PTGFRN: variants seen among roughly 807,000 people sequenced by gnomAD.
PTGFRN encodes prostaglandin F2 receptor inhibitor, also known as prostaglandin F2 receptor negative regulator.
A neutral mutation model predicts 83.2 loss-of-function variants in PTGFRN; 35 were observed. That is an observed-to-expected ratio of 0.42 (90% CI 0.32 to 0.56). The LOEUF is 0.56. Ranked by LOEUF, PTGFRN falls within the 20% of genes least tolerant of loss-of-function variation. The pLI, the probability that PTGFRN is intolerant of heterozygous loss-of-function variation, is 0.11. For missense variants in PTGFRN, 1,051 were observed against 1,179.5 expected, an observed-to-expected ratio of 0.89 and a Z score of 1.60; for synonymous variants, 519 against 498.6, an observed-to-expected ratio of 1.04 and a Z score of -0.55.
intron 2 of PTGFRN, 141 bp from the exon 3 acceptor site, chr1:116,944,538 A>C: frequency 2.5e-6 from 2 of 811,916 alleles, no homozygotes; most frequent in African/African-American, 1.8e-5. Context: ...TTACAGATGA[A>C]TCCAGTTGGG....
chr1:116,981,500 C>T lies in PTGFRN; in HGVS notation c.2168-3180C>T, dbSNP rs181111815. Among the ~76,000 whole-genome samples the T allele has an allele frequency of 1.4e-3, 210 of 152,312 alleles. 1 individual carries two copies. Among genetic ancestry groups the T allele is most frequent in the Non-Finnish European group, 1.6e-3 (110 of 68,012 alleles). On this transcript the variant is annotated intron_variant, in intron 7 of 8. Transcript: ENST00000393203. ...GAAGGGGCAAGCTCTAAGCAAAGGG[C>T]GGTGGCCTGCAGTGAATCCAGTGAG...
rs187821181 is a variant in PTGFRN at position 116,949,196 on chromosome 1, G to A, written c.837G>A (p.Leu279=). 2 of 1,574,170 alleles carry A rather than the reference G, an allele frequency of 1.3e-6. No individual in the cohort carries two copies. The highest frequency in any genetic ancestry group is 1.7e-6 in the Non-Finnish European group (2 of 1,157,864). ...VATVVIQPSV[L]RAAVPKNVSV... is the part of the protein sequence containing the mutation. Reference sequence around the variant, plus strand: ...TATTTGTTTTTAATTTTCAAGTTCTGCGAGCAGCTGTGCCCAAGAATGTGT... The same window carrying A: ...TATTTGTTTTTAATTTTCAAGTTCTACGAGCAGCTGTGCCCAAGAATGTGT... The change falls in exon 4 of 9, where the codon CTG becomes CTA. Residue 279 remains leucine (L), a synonymous_variant. Coordinates refer to ENST00000393203, the MANE Select transcript of PTGFRN (RefSeq NM_020440.4).
rs974635657 is a variant in PTGFRN, at chr1:116,958,081, C to G, written c.1214-3162C>G. 6.6e-6 allele frequency among the ~76,000 whole-genome samples: 1 copy of G among 152,116 alleles called. No homozygotes were observed. The highest frequency in any genetic ancestry group is 2.1e-4 in the South Asian group (1 of 4,824). Reference sequence around the variant, plus strand: ...GAATAATGCTGCAATGAACATCTACCATCTTTCATCATAATTTTGACAGCC... The same window carrying G: ...GAATAATGCTGCAATGAACATCTACGATCTTTCATCATAATTTTGACAGCC... On this transcript the variant is annotated intron_variant, in intron 4 of 8. Coordinates refer to ENST00000393203, the MANE Select transcript of PTGFRN (RefSeq NM_020440.4). The surrounding 1 kb of genome is among the most constrained non-coding windows in gnomAD (Gnocchi z 4.9).
At chr1:116,949,669 A>G in intron 4 of PTGFRN, 97 bp downstream of exon 4, 1 of 1,467,148 alleles carries the variant, frequency 6.8e-7, no homozygotes, top group South Asian at 1.4e-5. Flanking sequence ...GCTTTGCATG[A>G]CTTCGACATT....
chr1:116,982,471 G>C (rs1651346982), intron 7 of PTGFRN, among the ~76,000 whole-genome samples: 1 of 152,122 alleles, frequency 6.6e-6, no homozygotes, highest in Non-Finnish European at 1.5e-5. Context: ...TAAGTGATTT[G>C]TGGGCCAAGG....
chr1:116,977,656 A>G (rs1473900940), intron 7 of PTGFRN, among the ~76,000 whole-genome samples: 1 of 152,210 alleles, frequency 6.6e-6, no homozygotes, highest in Non-Finnish European at 1.5e-5. Context: ...AGAAATAAAG[A>G]TGTTCTTTGA....
At chr1:116,942,216 CTTAAATAATCATGTCTTAAAAT>C in intron 2 of PTGFRN, 133 bp downstream of exon 2, 2 of 1,243,850 alleles carry the variant, frequency 1.6e-6, no homozygotes, top group Non-Finnish European at 2.2e-6. Context: ...ATAATCATGT[CTTAAATAATCATGTCTTAAAAT>C]TTAAAAATCA....
chr1:116,970,182 G>A (rs979834573), intron 6 of PTGFRN, among the ~76,000 whole-genome samples: 1 of 152,146 alleles, frequency 6.6e-6, no homozygotes, highest in South Asian at 2.1e-4. Context: ...CTGATCATAG[G>A]GGGAAAGCGT....
intron 7 of PTGFRN, among the ~76,000 whole-genome samples, chr1:116,978,759 T>C (rs1008489611): frequency 2.6e-4 from 40 of 152,260 alleles, no homozygotes; most frequent in African/African-American, 8.7e-4. Flanking sequence ...AACCCACAGC[T>C]AATATCATAC....
At chr1:116,928,829 G>C (rs2101055920) in intron 1 of PTGFRN, among the ~76,000 whole-genome samples, 1 of 152,102 alleles carries the variant, frequency 6.6e-6, no homozygotes, top group East Asian at 1.9e-4. Context: ...TGTCTAACCT[G>C]AAAAAAAGTA....
intron 4 of PTGFRN, among the ~76,000 whole-genome samples, chr1:116,959,976 CAAAAG>C (rs898343927): frequency 4.0e-5 from 6 of 151,276 alleles, no homozygotes; most frequent in Non-Finnish European, 8.9e-5. Flanking sequence ...AAAAAAAAAA[CAAAAG>C]AAGAAGAAGA....
rs540820376 is a variant in PTGFRN at position 116,958,327 on chromosome 1, G to A, written c.1214-2916G>A. Among the ~76,000 whole-genome samples, 15 of 152,270 alleles carry A rather than the reference G, an allele frequency of 9.9e-5. No individual in the cohort carries two copies. The highest frequency in any genetic ancestry group is 3.6e-4 in the African/African-American group (15 of 41,532). The stretch of plus-strand genomic sequence containing the variant: ...AGTAACTTAGTGTCATGGCAGCACT[G>A]CACTCAGCGTTCCTAAAAATCATGT... On this transcript the variant is annotated intron_variant, in intron 4 of 8. Transcript: ENST00000393203. The surrounding 1 kb of genome is among the most constrained non-coding windows in gnomAD (Gnocchi z 4.9).
In PTGFRN at chr1:116,941,723, C is replaced by T. The variant is rs778137106; in HGVS notation, c.58C>T (p.Arg20Ter). The T allele has an allele frequency of 1.9e-6, 3 of 1,609,798 alleles. No individual in the cohort carries two copies. The highest frequency in any genetic ancestry group is 2.5e-6 in the Non-Finnish European group (3 of 1,177,482). The part of the protein sequence containing the change: ...LLALLSLALC[R>*]GRVVRVPTAT... ...ATCTTTTATCATTGCAGCTCTTTGCCGAGGGCGTGTGGTGAGAGTCCCCAC... is the reference window on the plus strand; with the variant it reads ...ATCTTTTATCATTGCAGCTCTTTGCTGAGGGCGTGTGGTGAGAGTCCCCAC... The change falls in exon 2 of 9, where the codon CGA (arginine) becomes TGA (stop). Residue 20 changes from arginine (R) to a stop codon, truncating the protein, a stop_gained. Coordinates refer to ENST00000393203, the MANE Select transcript of PTGFRN (RefSeq NM_020440.4). LOFTEE classifies it high-confidence loss of function. The surrounding 1 kb of genome is among the most constrained non-coding windows in gnomAD (Gnocchi z 5.0).
At chr1:116,921,372 G>A (rs192451042) in intron 1 of PTGFRN, among the ~76,000 whole-genome samples, 10 of 152,230 alleles carry the variant, frequency 6.6e-5, no homozygotes, top group African/African-American at 2.4e-4. Flanking sequence ...ACAACTATTC[G>A]TTTTCCCATT....
chr1:116,937,247 A>G lies in PTGFRN; in HGVS notation c.50-4468A>G, dbSNP rs376226674. ...GGAAGTCCAAGAAACAAAAACGGCC[A>G]GGTCCTGTAAGGATTGCCTCTATAA... On this transcript the variant is annotated intron_variant, in intron 1 of 8. Transcript: ENST00000393203. 1.2e-4 allele frequency among the ~76,000 whole-genome samples: 19 copies of G among 152,382 alleles called. 1 individual carries two copies. The South Asian group carries it at 3.1e-3, about 25-fold the overall frequency.
At position 116,941,995 on chromosome 1, in the gene PTGFRN, G is replaced by A; in HGVS notation, c.330G>A (p.Gln110=). 6 of 1,614,196 alleles carry A rather than the reference G, an allele frequency of 3.7e-6. No individual in the cohort carries two copies. The highest frequency in any genetic ancestry group is 5.1e-6 in the Non-Finnish European group (6 of 1,180,042). Residue 110 remains glutamine, a synonymous_variant, in exon 2 of 9, where the codon CAG becomes CAA. Transcript: ENST00000393203. The surrounding 1 kb of genome is among the most constrained non-coding windows in gnomAD (Gnocchi z 5.0). ...TGGAGCTCCACATAAAGAACGTCCAGCCTTCAGACCAAGGCCACTACAAAT... is the reference window on the plus strand; with the variant it reads ...TGGAGCTCCACATAAAGAACGTCCAACCTTCAGACCAAGGCCACTACAAAT... ...DAVELHIKNV[Q]PSDQGHYKCS...
chr1:116,984,671 A>G lies in PTGFRN; in HGVS notation c.2168-9A>G. ...ACTGACCCCAGGGTTTTGGCTTGGT[A>G]ATCCGTAGATGACATGGCCTTTGAT... is the stretch of plus-strand genomic sequence containing the variant. On this transcript the variant is annotated splice_polypyrimidine_tract_variant and intron_variant, in intron 7 of 8. Coordinates refer to ENST00000393203, the MANE Select transcript of PTGFRN (RefSeq NM_020440.4). 1.2e-6 allele frequency: 2 copies of G among 1,610,884 alleles called. No homozygotes were observed. The highest frequency in any genetic ancestry group is 1.7e-6 in the Non-Finnish European group (2 of 1,178,100).
intron 1 of PTGFRN, among the ~76,000 whole-genome samples, chr1:116,926,182 G>T (rs946554769): frequency 1.1e-4 from 16 of 152,248 alleles, no homozygotes; most frequent in Non-Finnish European, 1.9e-4. Context: ...AGGGAGTCGG[G>T]TTGGTGGGGA....
intron 1 of PTGFRN, among the ~76,000 whole-genome samples, chr1:116,917,114 A>T (rs1649424495): frequency 6.6e-6 from 1 of 152,148 alleles, no homozygotes; most frequent in Admixed American, 6.5e-5. Flanking sequence ...AAGGATAAAG[A>T]CAGAGAAGCC....
Sources: gnomAD v4.1 joint callset for allele counts (sites outside exome capture counted in the v4.1 genomes callset) on GRCh38, gnomAD v4.1.1 for gene constraint, Gnocchi (gnomAD v3.1) non-coding constraint, MANE v1.5 for transcripts, NCBI Gene and HGNC (gene_info 2026-07-23, HGNC 2026-07-21) for gene names.